DUOX2: variants seen among roughly 807,000 people sequenced by gnomAD.
DUOX2 encodes dual oxidase 2.
A neutral mutation model predicts 183.3 loss-of-function variants in DUOX2; 185 were observed. The observed-to-expected ratio is 1.01, with a 90% CI of 0.90 to 1.14. The LOEUF (loss-of-function observed/expected upper bound fraction) is 1.14. Ranked by LOEUF, DUOX2 falls within the 50% of genes most tolerant of loss-of-function variation. DUOX2 has a pLI of 0.00. For synonymous variants in DUOX2, 788 were observed against 812.4 expected (o/e 0.97, Z 0.51); for missense variants, 1,999 against 2,022.9 (o/e 0.99, Z 0.23).
intron 4 of DUOX2, 95 bp from the exon 5 acceptor site, chr15:45,112,050 C>T (rs764404698): frequency 1.1e-4 from 165 of 1,473,100 alleles, no homozygotes; most frequent in Non-Finnish European, 1.4e-4. Flanking sequence ...AGCCAAAAGA[C>T]AGAGGTCCCA....
chr15:45,095,679 T>C, intron 30 of DUOX2, 84 bp from the exon 31 acceptor site: 1 of 1,599,430 alleles, frequency 6.3e-7, no homozygotes, highest in Non-Finnish European at 8.6e-7. Context: ...AGAGGGAGGA[T>C]ACAGAACATC....
Position 45,093,553 on chromosome 15 carries a change from G to A in DUOX2, c.*597C>T, listed in dbSNP as rs949940321. The A allele has an allele frequency of 1.3e-5, 2 of 155,188 alleles. No individual in the cohort carries two copies. Among genetic ancestry groups the A allele is most frequent in the Non-Finnish European group, 2.9e-5 (2 of 69,892 alleles). 9.6% of individuals were successfully genotyped at this position (155,188 alleles called of 1,614,324 possible). A position where few individuals can be genotyped will look rare whatever the true frequency, so the allele number is the denominator to read the frequency against. On this transcript the variant is annotated 3_prime_UTR_variant, in exon 34 of 34. Transcript: ENST00000389039. ...GAATAGACCTGGAGACAGAGTTGAG[G>A]CAGTCGGGCTGTCCAGGTTCTAAGC... is the stretch of plus-strand genomic sequence containing the variant.
chr15:45,101,521 C>T (rs1041725968), intron 21 of DUOX2: 1 of 625,138 alleles, frequency 1.6e-6, no homozygotes, highest in South Asian at 1.9e-5. Context: ...AGAAACAATG[C>T]CTCTTCCTCT....
intron 3 of DUOX2, 25 bp downstream of exon 3, chr15:45,112,962 G>A (rs1894488171): frequency 6.2e-7 from 1 of 1,611,714 alleles, no homozygotes; most frequent in Non-Finnish European, 8.5e-7. Context: ...CACGGCCCCA[G>A]CACGCCCGGG....
intron 17 of DUOX2, 95 bp downstream of exon 17, chr15:45,106,030 T>C (rs1894203353): frequency 1.4e-6 from 2 of 1,468,246 alleles, no homozygotes; most frequent in South Asian, 2.4e-5. Flanking sequence ...TCAGCTGTCA[T>C]AGTTGAGCTC....
chr15:45,102,602 C>A (rs936081959), intron 20 of DUOX2, among the ~76,000 whole-genome samples: 4 of 152,082 alleles, frequency 2.6e-5, no homozygotes, highest in Non-Finnish European at 5.9e-5. Context: ...CATGCTGGGC[C>A]CATAAAACAC....
chr15:45,099,306 G>C, intron 26 of DUOX2, 77 bp downstream of exon 26: 1 of 1,382,924 alleles, frequency 7.2e-7, no homozygotes, highest in South Asian at 1.2e-5. Context: ...CACCGCGCCC[G>C]GCCTGCCTAT....
rs1197654902 is a variant in DUOX2, at chr15:45,112,626, T to A, written c.253A>T (p.Ser85Cys). Residue 85 changes from serine (S) to cysteine (C), a missense_variant, in exon 4 of 34, where the codon AGC (serine) becomes TGC (cysteine). Coordinates refer to ENST00000389039, the MANE Select transcript of DUOX2 (RefSeq NM_001363711.2). ...EPQLPNPRRL[S>C]NAATRGIAGL... ...GCTATGCCCCGCGTGGCTGCGTTGC[T>A]GAGCCGGCGCGGGTTGGGCAGCTGC... The A allele has an allele frequency of 2.5e-6, 4 of 1,612,736 alleles. No homozygotes were observed. The highest frequency in any genetic ancestry group is 3.4e-6 in the Non-Finnish European group (4 of 1,179,820).
rs762753633 is a variant in DUOX2, at chr15:45,104,304, C to G, written c.2396G>C (p.Arg799Pro). ...GCTCAGCTCGCAGGTCAGGGCCTCC[C>G]GCACCTTCTGGGAGGAGTCCAGGGG... The part of the protein sequence containing the change: ...TLPLDSSQKV[R>P]EALTCELSRA... The change falls in exon 19 of 34, where the codon CGG (arginine) becomes CCG (proline). Residue 799 changes from arginine (R) to proline (P), a missense_variant. Transcript: ENST00000389039. The G allele has an allele frequency of 2.5e-6, 4 of 1,614,052 alleles. No homozygotes were observed. In the South Asian group the frequency reaches 3.3e-5, roughly 13 times the overall value.
At position 45,111,426 on chromosome 15, in the gene DUOX2, G is replaced by A; in HGVS notation, c.673C>T (p.Pro225Ser). Residue 225 changes from proline (P) to serine (S), a missense_variant, in exon 6 of 34, where the codon CCC becomes TCC. Physicochemically the swap from Pro to Ser is moderately conservative, Grantham distance 74. Around this residue, in one of 3 missense-constraint regions of DUOX2, gnomAD observed 356 missense variants for 356.4 expected, o/e 1.00. Coordinates refer to ENST00000389039, the MANE Select transcript of DUOX2 (RefSeq NM_001363711.2). ...SQNPLLMWAA[P>S]DPATGQNGPR... ...CCGTTCTGCCCGGTGGCGGGGTCGG[G>A]CGCCGCCCACATGAGCAGGGGGTTC... The A allele has an allele frequency of 6.6e-7, 1 of 1,513,190 alleles. No individual in the cohort carries two copies. The highest frequency in any genetic ancestry group is 2.4e-5 in the East Asian group (1 of 41,190). 93.7% of individuals were successfully genotyped at this position (1,513,190 alleles called of 1,614,324 possible).
chr15:45,095,584 A>G lies in DUOX2; in HGVS notation c.4092T>C (p.Asp1364=), dbSNP rs1429114004. 3.7e-6 allele frequency: 6 copies of G among 1,614,210 alleles called. No homozygotes were observed. The highest frequency in any genetic ancestry group is 5.1e-6 in the Non-Finnish European group (6 of 1,180,036). The change falls in exon 31 of 34, where the codon GAT becomes GAC. Residue 1364 remains aspartate (D), a synonymous_variant. Coordinates refer to ENST00000389039, the MANE Select transcript of DUOX2 (RefSeq NM_001363711.2). ...CCTGATGGCCCTCTCCAAACGGTCC[A>G]TCAAGGTACAGCTGCCAAGAGAGGG... ...GCAGYPKLYL[D]GPFGEGHQEW...
chr15:45,113,412 G>A lies in DUOX2; in HGVS notation c.-1C>T. 1.9e-6 allele frequency: 3 copies of A among 1,560,642 alleles called. No homozygotes were observed. The highest frequency in any genetic ancestry group is 2.6e-6 in the Non-Finnish European group (3 of 1,151,594). On this transcript the variant is annotated 5_prime_UTR_variant, in exon 2 of 34. Transcript: ENST00000389039. ...GTGCCTCTGGTCTTGCACGGAGCAT[G>A]CCAACCCTGCAGCCTGCGGGGTGAG... is the stretch of plus-strand genomic sequence containing the variant.
intron 18 of DUOX2, among the ~76,000 whole-genome samples, 169 bp from the exon 19 acceptor site, chr15:45,104,534 CG>C (rs1297197877): frequency 1.3e-5 from 2 of 152,186 alleles, no homozygotes; most frequent in African/African-American, 2.4e-5. Flanking sequence ...GTCCTATAGA[CG>C]GGGGAATCAA....
intron 18 of DUOX2, 120 bp downstream of exon 18, chr15:45,105,523 G>A: frequency 7.9e-7 from 1 of 1,257,944 alleles, no homozygotes; most frequent in Non-Finnish European, 1.2e-6. Flanking sequence ...TTCAAACAAG[G>A]CTATTTCTCT....
rs758886651 is a variant in DUOX2 at position 45,108,860 on chromosome 15, G to A, written c.1327C>T (p.Gln443Ter). 1 of 1,614,232 alleles carries A rather than the reference G, an allele frequency of 6.2e-7. No individual in the cohort carries two copies. Among genetic ancestry groups the A allele is most frequent in the Admixed American group, 1.7e-5 (1 of 60,032 alleles). ...TCCAGCCCAAAGGCCAGCAGGGCCT[G>A]GCTATAGCTGGGCAGCCCCATATCT... ...GRDMGLPSYS[Q>*]ALLAFGLDIP... Residue 443 changes from glutamine (Q) to a stop codon, truncating the protein, a stop_gained, in exon 12 of 34, where the codon CAG (glutamine) becomes TAG (stop). Coordinates refer to ENST00000389039, the MANE Select transcript of DUOX2 (RefSeq NM_001363711.2). LOFTEE classifies it high-confidence loss of function.
In DUOX2 at chr15:45,100,208, C is replaced by T. The variant is rs2277611; in HGVS notation, c.3026G>A (p.Arg1009Gln). Residue 1009 changes from arginine (R) to glutamine (Q), a missense_variant, in exon 24 of 34, where the codon CGG becomes CAG. Arg to Gln is a conservative substitution (Grantham distance 43). Around this residue, in one of 3 missense-constraint regions of DUOX2, gnomAD observed 1,628 missense variants for 1,608.6 expected, o/e 1.01. Coordinates refer to ENST00000389039, the MANE Select transcript of DUOX2 (RefSeq NM_001363711.2). ...CTCTTGCAGCGCCTCTGTGTACAGC[C>T]GGGGAGTGGGCACTGCTGCCCTATA... ...FGKKAAVPTP[R>Q]LYTEALQEKM... The T allele has an allele frequency of 1.8e-5, 29 of 1,613,816 alleles. No individual in the cohort carries two copies. The East Asian group carries it at 4.0e-4, about 22-fold the overall frequency.
chr15:45,108,741 T>A, intron 12 of DUOX2, 48 bp downstream of exon 12: 3 of 1,589,068 alleles, frequency 1.9e-6, no homozygotes, highest in Non-Finnish European at 2.6e-6. Flanking sequence ...GGAACAGTAT[T>A]GCCATAGGAA....
intron 28 of DUOX2, 44 bp downstream of exon 28, chr15:45,097,570 C>T (rs762965212): frequency 6.2e-7 from 1 of 1,614,118 alleles, no homozygotes; most frequent in Admixed American, 1.7e-5. Flanking sequence ...CCTGTCCCAT[C>T]CTGAGCTCCC....
chr15:45,104,415 A>T (rs978019864), intron 18 of DUOX2, 50 bp from the exon 19 acceptor site: 3 of 1,589,932 alleles, frequency 1.9e-6, no homozygotes, highest in Non-Finnish European at 2.6e-6. Flanking sequence ...GGTGAAGCCT[A>T]TGCTGGAAGC....
Sources: allele counts gnomAD v4.1 joint callset (sites outside exome capture counted in the v4.1 genomes callset), GRCh38; gene constraint gnomAD v4.1.1; regional missense constraint gnomAD v4.1.1; transcripts MANE v1.5; gene names NCBI Gene and HGNC (gene_info 2026-07-23, HGNC 2026-07-21).